The following SRPK2 variants were observed in gnomAD, a reference collection of about 807,000 sequenced individuals.
SRPK2 encodes the protein SFRS protein kinase 2.
Under a neutral mutation model 90.8 loss-of-function variants are expected in SRPK2, and 21 were observed. The ratio of observed to expected loss-of-function variants is 0.23; its 90% CI spans 0.16 to 0.33. The LOEUF is 0.33. SRPK2 is among the 10% of genes least tolerant of loss of function. The pLI, the probability that SRPK2 is intolerant of heterozygous loss-of-function variation, is 1.00. For synonymous variants in SRPK2, 288 were observed against 311.1 expected (o/e 0.93, Z 0.78); for missense variants, 620 against 869.0 (o/e 0.71, Z 3.60).
chr7:105,205,235 AG>A (rs1318619921), intron 2 of SRPK2, among the ~76,000 whole-genome samples: 1 of 152,228 alleles, frequency 6.6e-6, no homozygotes, highest in African/African-American at 2.4e-5. Flanking sequence ...AGAAGGCAGC[AG>A]AAACACCTGA....
downstream of SRPK2, among the ~76,000 whole-genome samples, chr7:105,116,020 G>A (rs758569091): frequency 4.1e-4 from 62 of 152,124 alleles, no homozygotes; most frequent in Non-Finnish European, 7.9e-4. Flanking sequence ...CCTCACAGTG[G>A]TAATGTGATA....
chr7:105,135,636 A>G (rs2129575509), intron 11 of SRPK2, among the ~76,000 whole-genome samples: 1 of 152,348 alleles, frequency 6.6e-6, no homozygotes, highest in African/African-American at 2.4e-5. Context: ...AAGTGGAAGG[A>G]GATGATCTGT....
chr7:105,183,478 T>A (rs1257319972), intron 3 of SRPK2, among the ~76,000 whole-genome samples: 3 of 152,064 alleles, frequency 2.0e-5, no homozygotes, highest in Non-Finnish European at 4.4e-5. Flanking sequence ...TTTTTTTGTT[T>A]GTTTGTTTGT....
chr7:105,238,512 G>A (rs1403818048), intron 2 of SRPK2, among the ~76,000 whole-genome samples: 2 of 152,182 alleles, frequency 1.3e-5, no homozygotes, highest in African/African-American at 4.8e-5. Flanking sequence ...GAAGGACTCA[G>A]CTTCAGTGGC....
At chr7:105,395,811 A>C (rs2132919177) in intron 1 of SRPK2, among the ~76,000 whole-genome samples, 1 of 152,336 alleles carries the variant, frequency 6.6e-6, no homozygotes, top group South Asian at 2.1e-4. Context: ...TATCTTTGCA[A>C]ATCAGATATT....
At chr7:105,260,147 G>A (rs1803998938) in intron 2 of SRPK2, among the ~76,000 whole-genome samples, 1 of 151,958 alleles carries the variant, frequency 6.6e-6, no homozygotes, top group Non-Finnish European at 1.5e-5. Context: ...TCTGACAAAG[G>A]GCTAATATCC....
At chr7:105,210,818 A>G (rs1184822823) in intron 2 of SRPK2, among the ~76,000 whole-genome samples, 1 of 152,240 alleles carries the variant, frequency 6.6e-6, no homozygotes, top group Non-Finnish European at 1.5e-5. Context: ...GCTGCCTGGA[A>G]AAAAAGCAGA....
chr7:105,170,743 G>A (rs1052810147), intron 3 of SRPK2, among the ~76,000 whole-genome samples: 1 of 96,224 alleles, frequency 1.0e-5, no homozygotes, highest in South Asian at 4.1e-4. Flanking sequence ...AGGGAAGAAA[G>A]GGAGGAAGGA....
chr7:105,298,086 G>A (rs1015371107), intron 2 of SRPK2, among the ~76,000 whole-genome samples: 1 of 152,006 alleles, frequency 6.6e-6, no homozygotes, highest in East Asian at 1.9e-4. Flanking sequence ...TGTTCAGCTG[G>A]GTAAGTTTTG....
chr7:105,174,070 C>A (rs1185869248), intron 3 of SRPK2, among the ~76,000 whole-genome samples: 13 of 143,186 alleles, frequency 9.1e-5, no homozygotes, highest in Admixed American at 8.5e-4. Flanking sequence ...TACAGTGAGA[C>A]CCTGTCTCTA....
intron 2 of SRPK2, among the ~76,000 whole-genome samples, chr7:105,330,355 A>AAAAAT (rs565852309): frequency 6.6e-6 from 1 of 151,382 alleles, no homozygotes; most frequent in Non-Finnish European, 1.5e-5. Context: ...ATAAATAAAT[A>AAAAAT]AAAATAAAAT....
intron 2 of SRPK2, among the ~76,000 whole-genome samples, chr7:105,361,328 C>T (rs890368286): frequency 5.9e-5 from 9 of 152,026 alleles, no homozygotes; most frequent in Non-Finnish European, 1.3e-4. Flanking sequence ...TAAAAGAGGA[C>T]ACAAACAAAT....
At chr7:105,169,041 T>C in intron 4 of SRPK2, 116 bp downstream of exon 4, 1 of 795,188 alleles carries the variant, frequency 1.3e-6, no homozygotes, top group Non-Finnish European at 2.0e-6. Context: ...GGCAGGCCTG[T>C]GCTAAGCACT....
intron 2 of SRPK2, among the ~76,000 whole-genome samples, chr7:105,247,531 A>AACACACACACACACACACACACACACAC (rs59040708): frequency 1.2e-4 from 17 of 145,160 alleles, no homozygotes; most frequent in Non-Finnish European, 1.2e-4. Context: ...CACACACATA[A>AACACACACACACACACACACACACACAC]ACACACACAC....
chr7:105,207,485 T>C (rs1261426074), intron 2 of SRPK2, among the ~76,000 whole-genome samples: 2 of 152,180 alleles, frequency 1.3e-5, no homozygotes, highest in African/African-American at 4.8e-5. Context: ...AAGGAAGCTA[T>C]TTCATATAAA....
chr7:105,317,550 C>T (rs1247180748), intron 2 of SRPK2, among the ~76,000 whole-genome samples: 3 of 152,076 alleles, frequency 2.0e-5, no homozygotes, highest in Admixed American at 6.6e-5. Flanking sequence ...TTCTCAAAAG[C>T]GTATGAAATG....
intron 3 of SRPK2, among the ~76,000 whole-genome samples, chr7:105,176,985 C>G (rs1421749604): frequency 1.3e-5 from 2 of 152,098 alleles, no homozygotes; most frequent in African/African-American, 4.8e-5. Flanking sequence ...TGATTTTGAT[C>G]ACTTTTCTAA....
intron 2 of SRPK2, among the ~76,000 whole-genome samples, chr7:105,280,655 A>AG (rs1563185924): frequency 3.3e-4 from 44 of 132,252 alleles, no homozygotes; most frequent in African/African-American, 1.4e-3. Context: ...CATTAAAAAA[A>AG]AGGGGGGGGG....
chr7:105,364,323 A>C (rs2132312072), intron 2 of SRPK2, among the ~76,000 whole-genome samples: 1 of 152,104 alleles, frequency 6.6e-6, no homozygotes, highest in South Asian at 2.1e-4. Context: ...TCAGTGGTAC[A>C]ACCCAGACAT....
Sources: gnomAD v4.1 joint callset for allele counts (sites outside exome capture counted in the v4.1 genomes callset) on GRCh38, gnomAD v4.1.1 for gene constraint, MANE v1.5 for transcripts, NCBI Gene and HGNC (gene_info 2026-07-23, HGNC 2026-07-21) for gene names.